UGT8: variants seen among roughly 807,000 people sequenced by gnomAD.
The protein encoded by UGT8 is 2-hydroxyacylsphingosine 1-beta-galactosyltransferase.
UGT8 carries 12 observed loss-of-function variants against 40.5 expected under a neutral mutation model. The ratio of observed to expected loss-of-function variants is 0.30; its 90% confidence interval spans 0.19 to 0.48. UGT8 has a LOEUF of 0.48. UGT8 is among the 20% of genes least tolerant of loss of function. The probability of loss-of-function intolerance (pLI) is 0.99; values close to 1 mark genes in which losing one functional copy is unlikely to be tolerated. For missense variants in UGT8, 513 were observed against 648.7 expected (o/e 0.79, Z 2.27); for synonymous variants, 224 against 240.4 (o/e 0.93, Z 0.63).
chr4:114,629,281 A>T (rs181638409), intron 2 of UGT8, among the ~76,000 whole-genome samples: 5 of 152,308 alleles, frequency 3.3e-5, no homozygotes, highest in Admixed American at 3.3e-4. Flanking sequence ...GAAGAGACTA[A>T]TAATTTCATT....
chr4:114,661,415 C>T (rs571158180), intron 2 of UGT8, among the ~76,000 whole-genome samples: 2 of 152,194 alleles, frequency 1.3e-5, no homozygotes, highest in South Asian at 2.1e-4. Context: ...CTAAGATATC[C>T]TGAGGGCCTC....
intron 4 of UGT8, among the ~76,000 whole-genome samples, chr4:114,666,710 T>C (rs1267423304): frequency 6.6e-6 from 1 of 152,144 alleles, no homozygotes; most frequent in African/African-American, 2.4e-5. Flanking sequence ...GTGTGTGGGT[T>C]TTCCATTTCT....
At chr4:114,664,220 C>G in intron 3 of UGT8, 83 bp downstream of exon 3, 1 of 1,453,002 alleles carries the variant, frequency 6.9e-7, no homozygotes, top group South Asian at 1.2e-5. Context: ...TAAAGCACAG[C>G]ACATTGTTTC....
At chr4:114,599,421 C>A (rs565326904) in intron 1 of UGT8, among the ~76,000 whole-genome samples, 2 of 152,216 alleles carry the variant, frequency 1.3e-5, no homozygotes, top group South Asian at 2.1e-4. Flanking sequence ...GGTGGGGGAC[C>A]AGGAGGAGCT....
At chr4:114,627,219 A>G (rs1732282506) in intron 2 of UGT8, among the ~76,000 whole-genome samples, 1 of 151,888 alleles carries the variant, frequency 6.6e-6, no homozygotes, top group Non-Finnish European at 1.5e-5. Context: ...TTGATCAAGA[A>G]GGAGGTCTGT....
intron 2 of UGT8, among the ~76,000 whole-genome samples, chr4:114,638,930 C>T (rs929453127): frequency 6.6e-6 from 1 of 152,142 alleles, no homozygotes; most frequent in Non-Finnish European, 1.5e-5. Context: ...TGGTGGGGAT[C>T]TTAGTAGAGA....
At position 114,665,770 on chromosome 4, in the gene UGT8, G is replaced by A. The variant is rs760700013; in HGVS notation, c.1042+14G>A. 1 of 1,587,404 alleles carries A rather than the reference G, an allele frequency of 6.3e-7. No individual in the cohort carries two copies. Among genetic ancestry groups the A allele is most frequent in the Non-Finnish European group, 8.6e-7 (1 of 1,169,202 alleles). ...ATGACCTGCTTGGTAAGTCAATGAT[G>A]TGTGGTTACTTACTTGGCTGTTAGG... On this transcript the variant is annotated intron_variant, in intron 4 of 5. Coordinates refer to ENST00000310836, the MANE Select transcript of UGT8 (RefSeq NM_001128174.3).
At position 114,676,340 on chromosome 4, in the gene UGT8, T is replaced by A. The variant is rs1395752996; in HGVS notation, c.*52T>A. 1 of 1,450,300 alleles carries A rather than the reference T, an allele frequency of 6.9e-7. No individual in the cohort carries two copies. Among genetic ancestry groups the A allele is most frequent in the Non-Finnish European group, 9.3e-7 (1 of 1,077,136 alleles). The allele number at this position is 1,450,300 out of a possible 1,614,324, so 89.8% of individuals were successfully genotyped here. On this transcript the variant is annotated 3_prime_UTR_variant, in exon 6 of 6. Coordinates refer to ENST00000310836, the MANE Select transcript of UGT8 (RefSeq NM_001128174.3). ...ATTGGTTCACTCATTGAATTTTTATTGCTATTATTTAGTCTAACAGCTACT... is the reference window on the plus strand; with the variant it reads ...ATTGGTTCACTCATTGAATTTTTATAGCTATTATTTAGTCTAACAGCTACT...
intron 2 of UGT8, among the ~76,000 whole-genome samples, chr4:114,645,419 G>A (rs184054776): frequency 4.6e-5 from 7 of 152,232 alleles, no homozygotes; most frequent in Admixed American, 2.0e-4. Context: ...GTCGCATAGC[G>A]AGATATCAAG....
intron 2 of UGT8, among the ~76,000 whole-genome samples, chr4:114,646,437 G>A (rs1282999982): frequency 6.6e-6 from 1 of 151,898 alleles, no homozygotes; most frequent in Non-Finnish European, 1.5e-5. Context: ...TAGAAACAAT[G>A]TGATAAACAG....
chr4:114,639,918 T>C (rs1733104071), intron 2 of UGT8, among the ~76,000 whole-genome samples: 1 of 152,330 alleles, frequency 6.6e-6, no homozygotes. Context: ...GGATGCCTTA[T>C]TGGGTGCAGG....
intron 5 of UGT8, among the ~76,000 whole-genome samples, chr4:114,674,576 A>G (rs977344660): frequency 3.3e-5 from 5 of 152,208 alleles, no homozygotes; most frequent in African/African-American, 1.2e-4. Flanking sequence ...GAAAGAAGCT[A>G]TTATATCTTG....
chr4:114,612,663 T>G (rs188562564), intron 1 of UGT8, among the ~76,000 whole-genome samples: 5 of 152,198 alleles, frequency 3.3e-5, no homozygotes, highest in Admixed American at 1.3e-4. Context: ...TTGATCATTT[T>G]ATTACTCTTT....
intron 5 of UGT8, among the ~76,000 whole-genome samples, chr4:114,674,511 T>C (rs1319790861): frequency 6.6e-6 from 1 of 152,206 alleles, no homozygotes; most frequent in Non-Finnish European, 1.5e-5. Context: ...ATCACGAGTA[T>C]CTTCCCTCTG....
intron 2 of UGT8, among the ~76,000 whole-genome samples, chr4:114,652,017 A>C (rs1042086019): frequency 1.1e-4 from 16 of 152,274 alleles, no homozygotes; most frequent in African/African-American, 3.4e-4. Flanking sequence ...TGACATATGT[A>C]TACAAATAAT....
At chr4:114,599,316 G>A (rs1578391548) in intron 1 of UGT8, among the ~76,000 whole-genome samples, 1 of 152,162 alleles carries the variant, frequency 6.6e-6, no homozygotes, top group Admixed American at 6.5e-5. Flanking sequence ...GGTATAACGG[G>A]GAGGCGATTC....
chr4:114,670,608 T>G (rs1321345103), intron 5 of UGT8, among the ~76,000 whole-genome samples: 1 of 152,030 alleles, frequency 6.6e-6, no homozygotes, highest in African/African-American at 2.4e-5. Context: ...TTGATAAAAT[T>G]CAGTATCCCT....
intron 2 of UGT8, among the ~76,000 whole-genome samples, chr4:114,653,015 C>G (rs1733977462): frequency 1.3e-5 from 2 of 152,042 alleles, no homozygotes; most frequent in Admixed American, 1.3e-4. Flanking sequence ...GACCAAGCCA[C>G]TCATCCCAGG....
intron 1 of UGT8, among the ~76,000 whole-genome samples, chr4:114,609,697 A>G (rs985835371): frequency 6.6e-6 from 1 of 152,244 alleles, no homozygotes; most frequent in Non-Finnish European, 1.5e-5. Flanking sequence ...TCCAGCCTCT[A>G]TATGGGCTTT....
Sources: gnomAD v4.1 joint callset for allele counts (sites outside exome capture counted in the v4.1 genomes callset) on GRCh38, gnomAD v4.1.1 for gene constraint, MANE v1.5 for transcripts, NCBI Gene and HGNC (gene_info 2026-07-23, HGNC 2026-07-21) for gene names.